SIPA1L1: variants seen among roughly 807,000 people sequenced by gnomAD.
The protein encoded by SIPA1L1 is signal induced proliferation associated 1 like 1.
Under a neutral mutation model 162.7 loss-of-function variants are expected in SIPA1L1, and 26 were observed. That is an observed-to-expected ratio of 0.16 (90% CI 0.12 to 0.22). The LOEUF (loss-of-function observed/expected upper bound fraction) is 0.22, where lower values mean the gene tolerates loss of function less well. SIPA1L1 is among the 10% of genes least tolerant of loss of function. The pLI, the probability that SIPA1L1 is intolerant of heterozygous loss-of-function variation, is 1.00. For synonymous variants in SIPA1L1, 829 were observed against 837.4 expected (o/e 0.99, Z 0.17); for missense variants, 1,874 against 2,241.0 (o/e 0.84, Z 3.31).
At chr14:71,710,180 C>A (rs1351318744) in intron 17 of SIPA1L1, among the ~76,000 whole-genome samples, 2 of 152,192 alleles carry the variant, frequency 1.3e-5, no homozygotes, top group Admixed American at 1.3e-4. Context: ...TGGCTCCTGG[C>A]AGCAATGGGT....
At chr14:71,572,011 G>A (rs1471273116) in intron 4 of SIPA1L1, among the ~76,000 whole-genome samples, 2 of 152,038 alleles carry the variant, frequency 1.3e-5, no homozygotes, top group African/African-American at 4.8e-5. Flanking sequence ...GATGTCCAAG[G>A]TCCAGCTGCT....
chr14:71,632,208 G>A (rs61989428), intron 7 of SIPA1L1, among the ~76,000 whole-genome samples: 3,430 of 152,254 alleles, frequency 0.023, 49 homozygotes, highest in Non-Finnish European at 0.033. Flanking sequence ...GTGGAGAGAA[G>A]CAGCAGGCTG....
chr14:71,560,860 T>C (rs555416904), intron 4 of SIPA1L1, among the ~76,000 whole-genome samples: 2 of 152,180 alleles, frequency 1.3e-5, no homozygotes, highest in African/African-American at 4.8e-5. Context: ...AAATTAGGGA[T>C]TTTTTTTCAG....
chr14:71,426,027 A>G (rs888323304), intron 2 of SIPA1L1, among the ~76,000 whole-genome samples: 1 of 152,040 alleles, frequency 6.6e-6, no homozygotes, highest in African/African-American at 2.4e-5. Flanking sequence ...TCTTTTGGTG[A>G]CTATTTGCAC....
chr14:71,425,173 A>T (rs1478821463), intron 2 of SIPA1L1, among the ~76,000 whole-genome samples: 1 of 152,040 alleles, frequency 6.6e-6, no homozygotes, highest in Non-Finnish European at 1.5e-5. Flanking sequence ...ATCTCAGTAA[A>T]TATTTGTCAA....
At chr14:71,719,043 A>G (rs1597204671) in intron 17 of SIPA1L1, among the ~76,000 whole-genome samples, 2 of 151,964 alleles carry the variant, frequency 1.3e-5, no homozygotes, top group Admixed American at 6.5e-5. Flanking sequence ...AGCTCAAGCA[A>G]TCCTCCCACC....
intron 2 of SIPA1L1, among the ~76,000 whole-genome samples, chr14:71,462,871 C>T (rs962272674): frequency 3.9e-5 from 6 of 152,208 alleles, no homozygotes; most frequent in African/African-American, 1.4e-4. Flanking sequence ...TATTGCTGGC[C>T]TTGCCAGCTG....
intron 2 of SIPA1L1, among the ~76,000 whole-genome samples, chr14:71,499,265 C>T (rs980084741): frequency 3.3e-5 from 5 of 152,128 alleles, no homozygotes; most frequent in African/African-American, 1.2e-4. Flanking sequence ...TCACCTGAGC[C>T]TGCGGAGGTT....
At chr14:71,408,513 A>G (rs769141463) in intron 2 of SIPA1L1, among the ~76,000 whole-genome samples, 3 of 152,162 alleles carry the variant, frequency 2.0e-5, no homozygotes, top group Non-Finnish European at 2.9e-5. Flanking sequence ...TAGTAACTGA[A>G]TTGGGCCTGA....
intron 2 of SIPA1L1, among the ~76,000 whole-genome samples, chr14:71,325,011 G>A (rs1015266227): frequency 1.3e-5 from 2 of 152,160 alleles, no homozygotes; most frequent in African/African-American, 2.4e-5. Context: ...CTTCCCTGCT[G>A]GTTGGGTGAA....
chr14:71,459,458 CAGAGAG>C (rs142623080), intron 2 of SIPA1L1, among the ~76,000 whole-genome samples: 5 of 148,114 alleles, frequency 3.4e-5, no homozygotes, highest in Admixed American at 6.8e-5. Flanking sequence ...TCTATCCATC[CAGAGAG>C]AGAGAGAGAG....
intron 2 of SIPA1L1, among the ~76,000 whole-genome samples, chr14:71,322,272 T>C (rs1232522825): frequency 6.6e-6 from 1 of 152,246 alleles, no homozygotes; most frequent in Non-Finnish European, 1.5e-5. Flanking sequence ...AACTTTCTCC[T>C]GTTTTCTCCT....
chr14:71,535,016 A>T (rs1330197227), intron 4 of SIPA1L1, among the ~76,000 whole-genome samples: 1 of 152,240 alleles, frequency 6.6e-6, no homozygotes, highest in Non-Finnish European at 1.5e-5. Flanking sequence ...ACATACTGGT[A>T]AAAAAGTAGA....
At chr14:71,365,347 A>G (rs1312201819) in intron 2 of SIPA1L1, among the ~76,000 whole-genome samples, 1 of 152,022 alleles carries the variant, frequency 6.6e-6, no homozygotes, top group South Asian at 2.1e-4. Context: ...TTACTTGCCT[A>G]CCTATGCTGT....
At chr14:71,474,735 G>A (rs143565947) in intron 2 of SIPA1L1, among the ~76,000 whole-genome samples, 1 of 152,160 alleles carries the variant, frequency 6.6e-6, no homozygotes, top group Non-Finnish European at 1.5e-5. Context: ...TGGTATCTTC[G>A]GGCTTCACAT....
chr14:71,389,834 T>C lies in SIPA1L1; in HGVS notation c.-465+68653T>C, dbSNP rs1348829090. 2.6e-5 allele frequency among the ~76,000 whole-genome samples: 4 copies of C among 152,186 alleles called. No homozygotes were observed. The South Asian group carries it at 8.3e-4, about 32-fold the overall frequency. On this transcript the variant is annotated intron_variant, in intron 2 of 23. Coordinates refer to ENST00000381232, the MANE Select transcript of SIPA1L1 (RefSeq NM_001386936.1). ...GACATGCAGACTGTCAGTGTGGTGC[T>C]GTGTTTCCTCATCTGAAGGGCTCGG... is the stretch of plus-strand genomic sequence containing the variant.
chr14:71,335,315 A>T (rs916836109), intron 2 of SIPA1L1, among the ~76,000 whole-genome samples: 1 of 152,194 alleles, frequency 6.6e-6, no homozygotes, highest in African/African-American at 2.4e-5. Context: ...AGAAAAAAAA[A>T]TGTCTTTAGC....
At chr14:71,407,644 C>CT (rs2042120012) in intron 2 of SIPA1L1, among the ~76,000 whole-genome samples, 2 of 152,104 alleles carry the variant, frequency 1.3e-5, no homozygotes, top group Non-Finnish European at 2.9e-5. Flanking sequence ...GTAGCTGGGA[C>CT]TACAGGCGTG....
At position 71,594,936 on chromosome 14, in the gene SIPA1L1, G is replaced by A. The variant is rs527271396; in HGVS notation, c.1498+5566G>A. Among the ~76,000 whole-genome samples the A allele has an allele frequency of 2.6e-5, 4 of 152,258 alleles. No homozygotes were observed. The South Asian group carries it at 8.3e-4, about 32-fold the overall frequency. On this transcript the variant is annotated intron_variant, in intron 5 of 23. Transcript: ENST00000381232. ...CCAGAAGCAAGAAAGCTAGTAGTAGGTATTGTGGTTTTGTGTGTTTGCTCT... is the reference window on the plus strand; with the variant it reads ...CCAGAAGCAAGAAAGCTAGTAGTAGATATTGTGGTTTTGTGTGTTTGCTCT...
Sources: allele counts gnomAD v4.1 joint callset (sites outside exome capture counted in the v4.1 genomes callset), GRCh38; gene constraint gnomAD v4.1.1; transcripts MANE v1.5; gene names NCBI Gene and HGNC (gene_info 2026-07-23, HGNC 2026-07-21).